Variants in PCDHGB2 observed in about 807,000 individuals in gnomAD.
The protein encoded by PCDHGB2 is protocadherin gamma-B2.
Under a neutral mutation model 59.3 loss-of-function variants are expected in PCDHGB2, and 55 were observed. That is an observed-to-expected ratio of 0.93 (90% CI 0.75 to 1.16). The LOEUF (loss-of-function observed/expected upper bound fraction) is 1.16, where lower values mean the gene tolerates loss of function less well. PCDHGB2 is among the 50% of genes most tolerant of loss of function. The pLI, the probability that PCDHGB2 is intolerant of heterozygous loss-of-function variation, is 0.00. For missense variants in PCDHGB2, 1,228 were observed against 1,198.5 expected (o/e 1.02, Z -0.36); for synonymous variants, 516 against 512.0 (o/e 1.01, Z -0.11).
chr5:141,360,732 T>G lies in PCDHGB2; in HGVS notation c.597T>G (p.Ser199=). 1 of 1,613,960 alleles carries G rather than the reference T, an allele frequency of 6.2e-7. No individual in the cohort carries two copies. The highest frequency in any genetic ancestry group is 8.5e-7 in the Non-Finnish European group (1 of 1,179,894). The change falls in exon 1 of 4, where the codon TCT becomes TCG. Residue 199 remains serine (S), a synonymous_variant. Coordinates refer to ENST00000522605, the MANE Select transcript of PCDHGB2 (RefSeq NM_018923.3). ...ATCCTGAGTTGATTCTAAAACACTC[T>G]CTGGACAGAGAAGAGCACAGTTTAC... ...RKYPELILKH[S]LDREEHSLHQ...
intron 1 of PCDHGB2, chr5:141,427,962 G>C (rs767684725): frequency 5.0e-6 from 8 of 1,589,982 alleles, no homozygotes; most frequent in Non-Finnish European, 6.9e-6. Flanking sequence ...TGTGCCGCGG[G>C]TGCTGTACCC....
intron 1 of PCDHGB2, chr5:141,413,532 A>C (rs1269070438): frequency 9.9e-6 from 16 of 1,613,788 alleles, no homozygotes; most frequent in Non-Finnish European, 1.2e-5. Context: ...ACAGGGTGAA[A>C]CTTTTTGGGA....
At chr5:141,404,114 G>C (rs2094486353) in intron 1 of PCDHGB2, 4 of 1,613,348 alleles carry the variant, frequency 2.5e-6, no homozygotes, top group Non-Finnish European at 3.4e-6. Context: ...TTCTATCCAG[G>C]AGAATCTATC....
At position 141,362,084 on chromosome 5, in the gene PCDHGB2, G is replaced by A. The variant is rs373978037; in HGVS notation, c.1949G>A (p.Gly650Glu). The change falls in exon 1 of 4, where the codon GGA (glycine) becomes GAA (glutamate). Residue 650 changes from glycine to glutamate, a missense_variant. Coordinates refer to ENST00000522605, the MANE Select transcript of PCDHGB2 (RefSeq NM_018923.3). ...CTGCTGGTCGCTGTGCGTGATGGAGGACAGCCGCCACTCTCCGCTACGGCC... is the reference window on the plus strand; with the variant it reads ...CTGCTGGTCGCTGTGCGTGATGGAGAACAGCCGCCACTCTCCGCTACGGCC... Reference protein sequence around the residue: ...QRLLVAVRDGGQPPLSATATL... With the variant: ...QRLLVAVRDGEQPPLSATATL... 2 of 1,613,192 alleles carry A rather than the reference G, an allele frequency of 1.2e-6. No homozygotes were observed. The highest frequency in any genetic ancestry group is 1.7e-6 in the Non-Finnish European group (2 of 1,179,822).
At chr5:141,373,265 A>G (rs1038274272) in intron 1 of PCDHGB2, among the ~76,000 whole-genome samples, 1 of 152,258 alleles carries the variant, frequency 6.6e-6, no homozygotes, top group Non-Finnish European at 1.5e-5. Context: ...TTAAAAGTAT[A>G]CACAGATGTT....
intron 1 of PCDHGB2, chr5:141,396,593 C>T (rs940440050): frequency 6.0e-5 from 9 of 151,044 alleles, no homozygotes; most frequent in Non-Finnish European, 1.2e-4. Flanking sequence ...GCACTCCAGC[C>T]TGGGCAACAG....
At chr5:141,403,699 TAA>T in intron 1 of PCDHGB2, 1 of 1,613,934 alleles carries the variant, frequency 6.2e-7, no homozygotes, top group East Asian at 2.2e-5. Context: ...TTTACCGAGT[TAA>T]AGTCCTTGAG....
chr5:141,372,931 A>G, intron 1 of PCDHGB2: 1 of 890,318 alleles, frequency 1.1e-6, no homozygotes, highest in Admixed American at 3.1e-5. Flanking sequence ...TTTCTGGTGT[A>G]GAGTAGGGTG....
rs144482292 is a variant in PCDHGB2 at position 141,385,630 on chromosome 5, C to T, written c.2421+23074C>T. 4.8e-3 allele frequency: 4,617 copies of T among 957,834 alleles called. 22 individuals are homozygous for T. The highest frequency in any genetic ancestry group is 0.011 in the Admixed American group (240 of 22,730). The allele number at this position is 957,834 out of a possible 1,614,324, so 59.3% of individuals were successfully genotyped here. ...ATATATTTTATACATTGGAATGAAT[C>T]GAGTCTTTCATATTGCACAAGGTTA... is the stretch of plus-strand genomic sequence containing the variant. On this transcript the variant is annotated intron_variant, in intron 1 of 3. Coordinates refer to ENST00000522605, the MANE Select transcript of PCDHGB2 (RefSeq NM_018923.3).
chr5:141,464,310 A>T lies in PCDHGB2; in HGVS notation c.2422-30497A>T, dbSNP rs1327900308. ...AAAAAACTCCATTGTATGTGCACAT[A>T]TCATTATCTGTTCAACCCATCTATG... On this transcript the variant is annotated intron_variant, in intron 1 of 3. Coordinates refer to ENST00000522605, the MANE Select transcript of PCDHGB2 (RefSeq NM_018923.3). 2.0e-5 allele frequency among the ~76,000 whole-genome samples: 3 copies of T among 151,494 alleles called. No homozygotes were observed. The East Asian group carries it at 5.8e-4, about 29-fold the overall frequency.
chr5:141,385,231 A>G (rs1781024340), intron 1 of PCDHGB2: 1 of 1,614,136 alleles, frequency 6.2e-7, no homozygotes, highest in Non-Finnish European at 8.5e-7. Flanking sequence ...CTATGTAGAC[A>G]TGCTCATCAG....
intron 1 of PCDHGB2, chr5:141,419,105 C>G: frequency 6.2e-7 from 1 of 1,613,918 alleles, no homozygotes; most frequent in Non-Finnish European, 8.5e-7. Context: ...GGAGCAGACC[C>G]CAGAGTACAA....
intron 1 of PCDHGB2, chr5:141,388,978 CT>C (rs1389375857): frequency 6.2e-7 from 1 of 1,613,972 alleles, no homozygotes; most frequent in East Asian, 2.2e-5. Flanking sequence ...ACACATATTG[CT>C]TTGCTCAAAG....
chr5:141,501,635 T>G (rs553343946), intron 2 of PCDHGB2, among the ~76,000 whole-genome samples: 1 of 152,236 alleles, frequency 6.6e-6, no homozygotes, highest in African/African-American at 2.4e-5. Flanking sequence ...TCTCAACCTC[T>G]CTGAGCCCTG....
chr5:141,511,265 A>G lies in PCDHGB2; in HGVS notation c.*92A>G. On this transcript the variant is annotated 3_prime_UTR_variant, in exon 4 of 4. Coordinates refer to ENST00000522605, the MANE Select transcript of PCDHGB2 (RefSeq NM_018923.3). ...ACCCAGGCCTCAGAGTTTCAGGGCT[A>G]ACCCCCAGAATACTGGTAGGGGCCA... The G allele has an allele frequency of 6.4e-7, 1 of 1,551,730 alleles. No individual in the cohort carries two copies. Among genetic ancestry groups the G allele is most frequent in the South Asian group, 1.2e-5 (1 of 83,132 alleles).
chr5:141,398,711 C>T, intron 1 of PCDHGB2: 2 of 1,613,822 alleles, frequency 1.2e-6, no homozygotes, highest in South Asian at 1.1e-5. Context: ...CCGGAACTGG[C>T]ACTGGAGAAA....
intron 1 of PCDHGB2, chr5:141,371,387 T>A: frequency 6.2e-7 from 1 of 1,613,964 alleles, no homozygotes; most frequent in Non-Finnish European, 8.5e-7. Flanking sequence ...CTGCATATTG[T>A]AAAGTACAGA....
chr5:141,365,948 C>T, intron 1 of PCDHGB2: 1 of 1,614,186 alleles, frequency 6.2e-7, no homozygotes, highest in Non-Finnish European at 8.5e-7. Context: ...CAGTGGGAAC[C>T]CTCCACTTAG....
chr5:141,467,554 T>A (rs2099145880), intron 1 of PCDHGB2, among the ~76,000 whole-genome samples: 1 of 152,238 alleles, frequency 6.6e-6, no homozygotes. Flanking sequence ...TATATCTTTT[T>A]TCCCAAATGG....
Sources: allele counts gnomAD v4.1 joint callset (sites outside exome capture counted in the v4.1 genomes callset), GRCh38; gene constraint gnomAD v4.1.1; transcripts MANE v1.5; gene names NCBI Gene and HGNC (gene_info 2026-07-23, HGNC 2026-07-21).